ANKUB1: variants seen among roughly 807,000 people sequenced by gnomAD.
The protein encoded by ANKUB1 is ankyrin repeat and ubiquitin domain containing 1.
A neutral mutation model predicts 49.3 loss-of-function variants in ANKUB1; 42 were observed. The observed-to-expected ratio is 0.85, with a 90% confidence interval of 0.67 to 1.10. The LOEUF is 1.10. Ranked by LOEUF, ANKUB1 falls within the 50% of genes least tolerant of loss-of-function variation. The probability of loss-of-function intolerance (pLI) is 0.00; values close to 1 mark genes in which losing one functional copy is unlikely to be tolerated. For synonymous variants in ANKUB1, 222 were observed against 231.0 expected (o/e 0.96, Z 0.35); for missense variants, 613 against 642.0 (o/e 0.95, Z 0.49).
rs1559862194 is a variant in ANKUB1, at chr3:149,767,616, A to T, written c.1046T>A (p.Val349Glu). Residue 349 changes from valine (V) to glutamate (E), a missense_variant, in exon 5 of 6, where the codon GTG becomes GAG. Val to Glu is a moderately radical substitution (Grantham distance 121). Coordinates refer to ENST00000446160, the MANE Select transcript of ANKUB1 (RefSeq NM_001144960.3). Reference sequence around the variant, plus strand: ...CATTTTTGGTTTGGTGAAACCATCCACCATCACAGTGTCTCCAACTTTTGC... The same window carrying T: ...CATTTTTGGTTTGGTGAAACCATCCTCCATCACAGTGTCTCCAACTTTTGC... ...FGAKVGDTVM[V>E]DGFTKPKMTS... The T allele has an allele frequency of 6.4e-7, 1 of 1,551,678 alleles. No individual in the cohort carries two copies. Among genetic ancestry groups the T allele is most frequent in the East Asian group, 2.4e-5 (1 of 40,928 alleles).
intron 4 of ANKUB1, 31 bp downstream of exon 4, chr3:149,770,529 G>T: frequency 6.9e-7 from 1 of 1,458,834 alleles, no homozygotes; most frequent in Non-Finnish European, 9.4e-7. Context: ...CACAGCACTT[G>T]CTAAGTTAAT....
At chr3:149,774,165 T>C (rs1454222360) in intron 3 of ANKUB1, among the ~76,000 whole-genome samples, 1 of 152,226 alleles carries the variant, frequency 6.6e-6, no homozygotes, top group Non-Finnish European at 1.5e-5. Context: ...GGTTTAAGAC[T>C]AAGATTTCAT....
At chr3:149,768,612 G>A (rs1227833440) in intron 4 of ANKUB1, among the ~76,000 whole-genome samples, 3 of 151,658 alleles carry the variant, frequency 2.0e-5, no homozygotes, top group South Asian at 4.2e-4. Flanking sequence ...TGCAATCTTG[G>A]CTCACTGCAA....
chr3:149,790,082 A>T (rs1269236015), intron 2 of ANKUB1, among the ~76,000 whole-genome samples: 1 of 152,182 alleles, frequency 6.6e-6, no homozygotes, highest in African/African-American at 2.4e-5. Context: ...ACGGTAAAGC[A>T]CTAACACAGG....
intron 3 of ANKUB1, among the ~76,000 whole-genome samples, chr3:149,773,699 A>G (rs554493093): frequency 2.0e-5 from 3 of 152,258 alleles, no homozygotes; most frequent in African/African-American, 7.2e-5. Context: ...GAAATGATCT[A>G]TGTTTTTAGT....
Position 149,767,685 on chromosome 3 carries a change from TG to T in ANKUB1, c.976del (p.His326ThrfsTer22). 1 of 1,551,742 alleles carries T rather than the reference TG, an allele frequency of 6.4e-7. No homozygotes were observed. ...ACAAAACTGGCTTTTATGAAGACTG[TG>T]ACTCTGAGCTCTGAGGATCCATTGT... ...IKQWILRAQS[H>X]SLHKSQFCGA... is the part of the protein sequence containing the mutation. On this transcript the variant is annotated frameshift_variant, in exon 5 of 6. Transcript: ENST00000446160. LOFTEE classifies it high-confidence loss of function.
intron 5 of ANKUB1, among the ~76,000 whole-genome samples, chr3:149,761,964 G>A (rs1478603720): frequency 4.6e-5 from 7 of 152,076 alleles, no homozygotes; most frequent in African/African-American, 1.2e-4. Context: ...CTACCCCTAC[G>A]AACACACATG....
At position 149,767,158 on chromosome 3, in the gene ANKUB1, T is replaced by C; in HGVS notation, c.1504A>G (p.Ser502Gly). The C allele has an allele frequency of 6.6e-7, 1 of 1,512,420 alleles. No individual in the cohort carries two copies. Among genetic ancestry groups the C allele is most frequent in the South Asian group, 1.3e-5 (1 of 77,088 alleles). The allele number at this position is 1,512,420 out of a possible 1,614,324, so 93.7% of individuals were successfully genotyped here. A position where few individuals can be genotyped will look rare whatever the true frequency, so the allele number is the denominator to read the frequency against. ...GTATGTTTAAGGGGAGAACATTACCTTGCCACAGCTAAGCAGTAGATTGCG... is the reference window on the plus strand; with the variant it reads ...GTATGTTTAAGGGGAGAACATTACCCTGCCACAGCTAAGCAGTAGATTGCG... ...ENAIYCLAVA[S>G]AFKEKRWLQQ... The change falls in exon 5 of 6, where the codon AGT becomes GGT. Residue 502 changes from serine (S) to glycine (G), a missense_variant and splice_region_variant. Physicochemically the swap from Ser to Gly is moderately conservative, Grantham distance 56 (BLOSUM62 0). Transcript: ENST00000446160.
At chr3:149,764,356 G>A (rs1716898199) in intron 5 of ANKUB1, among the ~76,000 whole-genome samples, 1 of 152,176 alleles carries the variant, frequency 6.6e-6, no homozygotes, top group South Asian at 2.1e-4. Flanking sequence ...AGGTGGAACA[G>A]ATCCTGGGAA....
At chr3:149,780,087 T>C in intron 3 of ANKUB1, 152 bp downstream of exon 3, 3 of 676,438 alleles carry the variant, frequency 4.4e-6, no homozygotes, top group Admixed American at 2.9e-5. Flanking sequence ...ACTATGTAAA[T>C]GTGTTAACTG....
At chr3:149,783,042 T>A (rs551987075) in intron 2 of ANKUB1, 1 of 152,266 alleles carries the variant, frequency 6.6e-6, no homozygotes, top group Non-Finnish European at 1.5e-5. Context: ...CAATAATGTA[T>A]CTGGATAATA....
intron 3 of ANKUB1, among the ~76,000 whole-genome samples, chr3:149,774,373 C>T (rs559175660): frequency 3.9e-5 from 6 of 152,328 alleles, no homozygotes; most frequent in Non-Finnish European, 5.9e-5. Context: ...CTGCCTTCCT[C>T]GGCCTTACCG....
At chr3:149,786,084 A>G (rs1272552807) in intron 2 of ANKUB1, among the ~76,000 whole-genome samples, 1 of 151,576 alleles carries the variant, frequency 6.6e-6, no homozygotes, top group African/African-American at 2.4e-5. Context: ...CGCCCAGGCC[A>G]GAGTGCAGTG....
intron 4 of ANKUB1, among the ~76,000 whole-genome samples, chr3:149,769,353 G>A (rs375250389): frequency 6.6e-6 from 1 of 152,216 alleles, no homozygotes. Context: ...TAGCAAAAGT[G>A]TGAATGCTGG....
At chr3:149,772,835 G>T (rs1316188319) in intron 3 of ANKUB1, among the ~76,000 whole-genome samples, 1 of 152,200 alleles carries the variant, frequency 6.6e-6, no homozygotes, top group Admixed American at 6.5e-5. Context: ...TAACCGAGCA[G>T]GTTGGCCTGC....
chr3:149,779,528 A>C (rs1485198641), intron 3 of ANKUB1: 1 of 152,244 alleles, frequency 6.6e-6, no homozygotes, highest in Non-Finnish European at 1.5e-5. Context: ...GATAAACACT[A>C]TTCCACTAAT....
At chr3:149,769,662 G>A (rs903989757) in intron 4 of ANKUB1, among the ~76,000 whole-genome samples, 8 of 152,162 alleles carry the variant, frequency 5.3e-5, no homozygotes, top group Non-Finnish European at 1.0e-4. Context: ...ATAATGTACT[G>A]TTGAATATAT....
At chr3:149,767,008 C>G in intron 5 of ANKUB1, 149 bp downstream of exon 5, 1 of 1,001,822 alleles carries the variant, frequency 1.0e-6, no homozygotes, top group Non-Finnish European at 1.5e-6. Flanking sequence ...AGTGATGAGG[C>G]TAAGATGAGG....
chr3:149,777,369 G>A (rs987489595), intron 3 of ANKUB1, among the ~76,000 whole-genome samples: 1 of 152,166 alleles, frequency 6.6e-6, no homozygotes, highest in Non-Finnish European at 1.5e-5. Flanking sequence ...CTACTCAGGA[G>A]GCTGAGGCAG....
Sources: allele counts gnomAD v4.1 joint callset (sites outside exome capture counted in the v4.1 genomes callset), GRCh38; gene constraint gnomAD v4.1.1; transcripts MANE v1.5; gene names NCBI Gene and HGNC (gene_info 2026-07-23, HGNC 2026-07-21).